Variants in CCSER1 observed in about 807,000 individuals in gnomAD.
The protein encoded by CCSER1 is serine-rich coiled-coil domain-containing protein 1.
A neutral mutation model predicts 82.0 loss-of-function variants in CCSER1; 41 were observed. The observed-to-expected ratio is 0.50, with a 90% CI of 0.39 to 0.65. The LOEUF is 0.65. CCSER1 is among the 30% of genes least tolerant of loss of function. The pLI is 0.00. For synonymous variants in CCSER1, 414 were observed against 383.9 expected (o/e 1.08, Z -0.92); for missense variants, 1,119 against 1,064.2 (o/e 1.05, Z -0.72).
At chr4:90,443,757 C>T (rs1760240551) in intron 4 of CCSER1, among the ~76,000 whole-genome samples, 1 of 151,814 alleles carries the variant, frequency 6.6e-6, no homozygotes, top group Non-Finnish European at 1.5e-5. Flanking sequence ...GCAATTCATC[C>T]AAAATTACTT....
In CCSER1 at chr4:91,259,612, C is replaced by A. The variant is rs548321964; in HGVS notation, c.2217+173618C>A. Among the ~76,000 whole-genome samples, 3 of 150,470 alleles carry A rather than the reference C, an allele frequency of 2.0e-5. No homozygotes were observed. In the Admixed American group the frequency reaches 2.0e-4, roughly 10 times the overall value. Reference sequence around the variant, plus strand: ...CCCTAGCCCCCCACCCTCCAACAGGCCCCAATATGTGATGTTCCCCTCCCT... The same window carrying A: ...CCCTAGCCCCCCACCCTCCAACAGGACCCAATATGTGATGTTCCCCTCCCT... On this transcript the variant is annotated intron_variant, in intron 10 of 10. Transcript: ENST00000509176.
At chr4:90,954,579 C>T (rs867876132) in intron 9 of CCSER1, among the ~76,000 whole-genome samples, 3 of 152,020 alleles carry the variant, frequency 2.0e-5, no homozygotes, top group Admixed American at 6.6e-5. Context: ...TGGTAGTTCA[C>T]ACATGAACTA....
intron 10 of CCSER1, among the ~76,000 whole-genome samples, chr4:91,475,888 T>C (rs1437121345): frequency 6.6e-6 from 1 of 151,892 alleles, no homozygotes; most frequent in African/African-American, 2.4e-5. Context: ...AGTGAGAATG[T>C]GTGATATTTG....
At chr4:91,398,743 G>A (rs1469860340) in intron 10 of CCSER1, among the ~76,000 whole-genome samples, 3 of 151,586 alleles carry the variant, frequency 2.0e-5, no homozygotes, top group African/African-American at 7.3e-5. Context: ...AAGTAAATGA[G>A]CACAGTATAT....
chr4:91,490,892 A>AC (rs1758488335), intron 10 of CCSER1, among the ~76,000 whole-genome samples: 1 of 52,346 alleles, frequency 1.9e-5, no homozygotes, highest in Non-Finnish European at 3.7e-5. Context: ...ATATATATAT[A>AC]TATATATATA....
intron 6 of CCSER1, among the ~76,000 whole-genome samples, chr4:90,705,138 A>G (rs1739062076): frequency 6.6e-6 from 1 of 152,088 alleles, no homozygotes. Flanking sequence ...TCATGACATA[A>G]AGATGGGGTT....
chr4:91,236,258 C>A (rs1738999595), intron 10 of CCSER1, among the ~76,000 whole-genome samples: 1 of 152,088 alleles, frequency 6.6e-6, no homozygotes, highest in African/African-American at 2.4e-5. Flanking sequence ...GAGGCCGAGG[C>A]AGGTGGATCA....
chr4:91,293,989 G>C (rs12646438), intron 10 of CCSER1, among the ~76,000 whole-genome samples: 9,035 of 151,662 alleles, frequency 0.06, 368 homozygotes, highest in East Asian at 0.2. Context: ...ATCCTCCCCA[G>C]CCCTCTTTTT....
chr4:90,718,599 A>G (rs977927571), intron 6 of CCSER1, among the ~76,000 whole-genome samples: 6 of 152,276 alleles, frequency 3.9e-5, no homozygotes, highest in Admixed American at 2.6e-4. Context: ...TTCTGGGAGA[A>G]CTTAATAGAT....
chr4:91,537,983 C>T (rs1015828992), intron 10 of CCSER1, among the ~76,000 whole-genome samples: 1 of 151,992 alleles, frequency 6.6e-6, no homozygotes, highest in Non-Finnish European at 1.5e-5. Context: ...AATCACAATA[C>T]TGTTAGGATG....
At chr4:91,447,711 G>A (rs1755646124) in intron 10 of CCSER1, among the ~76,000 whole-genome samples, 1 of 152,082 alleles carries the variant, frequency 6.6e-6, no homozygotes, top group Non-Finnish European at 1.5e-5. Context: ...TAGAAAGCAA[G>A]TTGACAGCCC....
chr4:90,812,223 C>T (rs1285208889), intron 7 of CCSER1, among the ~76,000 whole-genome samples: 2 of 152,100 alleles, frequency 1.3e-5, no homozygotes, highest in African/African-American at 4.8e-5. Context: ...TCTAGCCATT[C>T]TGGCAGCTGA....
At chr4:90,831,622 T>G (rs1439418620) in intron 8 of CCSER1, among the ~76,000 whole-genome samples, 1 of 152,178 alleles carries the variant, frequency 6.6e-6, no homozygotes, top group Admixed American at 6.5e-5. Context: ...GAACTTAAGG[T>G]TGGATGAATA....
chr4:90,647,969 G>A (rs979185275), intron 6 of CCSER1, among the ~76,000 whole-genome samples: 6 of 151,940 alleles, frequency 3.9e-5, no homozygotes, highest in African/African-American at 4.8e-5. Flanking sequence ...AATAGGCAGA[G>A]GAAAACATGT....
intron 7 of CCSER1, chr4:90,781,771 AT>A (rs1753811515): frequency 1.0e-6 from 1 of 962,086 alleles, no homozygotes; most frequent in African/African-American, 1.8e-5. Flanking sequence ...TTACTGAAAT[AT>A]TATCTTTTAT....
intron 4 of CCSER1, among the ~76,000 whole-genome samples, chr4:90,437,311 A>C (rs562279018): frequency 6.6e-6 from 1 of 152,210 alleles, no homozygotes; most frequent in East Asian, 1.9e-4. Flanking sequence ...ACACAGATAT[A>C]GGTGTTTTAG....
At position 91,062,234 on chromosome 4, in the gene CCSER1, A is replaced by G. The variant is rs143207540; in HGVS notation, c.2173-23716A>G. 2.5e-3 allele frequency among the ~76,000 whole-genome samples: 379 copies of G among 152,164 alleles called. 1 individual carries two copies. The highest frequency in any genetic ancestry group is 8.7e-3 in the African/African-American group (360 of 41,538). ...CAGCTACTTCAGAGTTTATAGCCCTAAAAGGGATCAGTTTGATTCCCTCAC... is the reference window on the plus strand; with the variant it reads ...CAGCTACTTCAGAGTTTATAGCCCTGAAAGGGATCAGTTTGATTCCCTCAC... On this transcript the variant is annotated intron_variant, in intron 9 of 10. Coordinates refer to ENST00000509176, the MANE Select transcript of CCSER1 (RefSeq NM_001145065.2).
At chr4:91,538,698 C>CATATATTATATATATATATAATATAT in intron 10 of CCSER1, among the ~76,000 whole-genome samples, 47 of 138,322 alleles carry the variant, frequency 3.4e-4, no homozygotes, top group African/African-American at 1.1e-3. Flanking sequence ...TATATATACA[C>CATATATTATATATATATATAATATAT]ATATATATAT....
At chr4:90,288,642 A>T (rs190032004) in intron 1 of CCSER1, among the ~76,000 whole-genome samples, 1 of 152,066 alleles carries the variant, frequency 6.6e-6, no homozygotes, top group African/African-American at 2.4e-5. Flanking sequence ...TTCAGACTGT[A>T]GTATAATAAT....
Sources: allele counts gnomAD v4.1 joint callset (sites outside exome capture counted in the v4.1 genomes callset), GRCh38; gene constraint gnomAD v4.1.1; transcripts MANE v1.5; gene names NCBI Gene and HGNC (gene_info 2026-07-23, HGNC 2026-07-21).